PCDH15: variants seen among roughly 807,000 people sequenced by gnomAD.
PCDH15 encodes the protein protocadherin-15.
In PCDH15, 129 loss-of-function variants were observed where a neutral mutation model predicts 178.5. The ratio of observed to expected loss-of-function variants is 0.72; its 90% CI spans 0.63 to 0.84. PCDH15 has a LOEUF of 0.84. Among genes scored for constraint, PCDH15 ranks in the 40% least tolerant of loss-of-function variants. The pLI is 0.00. For synonymous variants in PCDH15, 800 were observed against 732.0 expected, an observed-to-expected ratio of 1.09 and a Z score of -1.50; for missense variants, 2,230 against 2,099.9, an observed-to-expected ratio of 1.06 and a Z score of -1.21.
intron 3 of PCDH15, among the ~76,000 whole-genome samples, chr10:54,484,492 A>T (rs989327206): frequency 6.6e-5 from 10 of 152,100 alleles, no homozygotes; most frequent in African/African-American, 2.4e-4. Flanking sequence ...TAATTGTAAG[A>T]ATCTTCAAAA....
In PCDH15 at chr10:55,309,648, T is replaced by C. The variant is rs150614551; in HGVS notation, c.-156+9951A>G. Reference sequence around the variant, plus strand: ...GAATATAACATAAATCAATGGGTGATCACAATAGGAAAAAAATAGTTTCTG... The same window carrying C: ...GAATATAACATAAATCAATGGGTGACCACAATAGGAAAAAAATAGTTTCTG... On this transcript the variant is annotated intron_variant, in intron 1 of 5. Transcript: ENST00000458638. 1.9e-3 allele frequency among the ~76,000 whole-genome samples: 286 copies of C among 152,168 alleles called. 3 individuals carry two copies. The highest frequency in any genetic ancestry group is 6.1e-3 in the African/African-American group (254 of 41,508).
rs2095193744 is a variant in PCDH15, at chr10:54,120,326, C to T, written c.1917+12549G>A. 2.6e-5 allele frequency among the ~76,000 whole-genome samples: 4 copies of T among 152,210 alleles called. No individual in the cohort carries two copies. In the South Asian group the frequency reaches 8.3e-4, roughly 32 times the overall value. On this transcript the variant is annotated intron_variant, in intron 15 of 37. Coordinates refer to ENST00000644397, the MANE Select transcript of PCDH15 (RefSeq NM_001384140.1). Reference sequence around the variant, plus strand: ...CACAAAAACATACTTAAGTACATAGCCCACAGACCCTATAAAGCAACAACA... The same window carrying T: ...CACAAAAACATACTTAAGTACATAGTCCACAGACCCTATAAAGCAACAACA...
chr10:53,838,730 AC>A, intron 29 of PCDH15, among the ~76,000 whole-genome samples: 1 of 152,196 alleles, frequency 6.6e-6, no homozygotes, highest in Non-Finnish European at 1.5e-5. Flanking sequence ...TTATTCCTAA[AC>A]TTTTTAAATT....
chr10:54,524,353 G>A (rs893978008), intron 3 of PCDH15, among the ~76,000 whole-genome samples: 11 of 152,200 alleles, frequency 7.2e-5, no homozygotes, highest in Non-Finnish European at 1.3e-4. Flanking sequence ...AGTCACAGTG[G>A]TGTGTTCCAA....
At chr10:54,421,711 C>CTA (rs1280104818) in intron 3 of PCDH15, among the ~76,000 whole-genome samples, 12 of 121,736 alleles carry the variant, frequency 9.9e-5, no homozygotes, top group African/African-American at 2.9e-4. Context: ...CACACACACA[C>CTA]TATATATATT....
chr10:55,529,916 A>T lies in PCDH15; in HGVS notation c.-156+97709T>A, dbSNP rs1841412653. Among the ~76,000 whole-genome samples the T allele has an allele frequency of 2.6e-5, 4 of 151,136 alleles. No homozygotes were observed. The South Asian group carries it at 8.3e-4, about 31-fold the overall frequency. The stretch of plus-strand genomic sequence containing the variant: ...TTAATGCTCCTCAAAGTATTTACTT[A>T]CAAATTAGTAGGAATGAGTGAATCA... On this transcript the variant is annotated intron_variant, in intron 2 of 5. Transcript: ENST00000613346.
At chr10:54,137,081 T>C (rs2042971684) in intron 14 of PCDH15, among the ~76,000 whole-genome samples, 1 of 152,196 alleles carries the variant, frequency 6.6e-6, no homozygotes, top group Non-Finnish European at 1.5e-5. Context: ...TAAATACCCA[T>C]AGTATTAACA....
At chr10:54,102,259 A>G (rs1358212722) in intron 15 of PCDH15, among the ~76,000 whole-genome samples, 1 of 152,224 alleles carries the variant, frequency 6.6e-6, no homozygotes. Flanking sequence ...CCATGAAGGC[A>G]GGCCACACAA....
chr10:54,926,617 T>G (rs1465771033), intron 2 of PCDH15, among the ~76,000 whole-genome samples: 1 of 152,048 alleles, frequency 6.6e-6, no homozygotes, highest in East Asian at 1.9e-4. Context: ...TATTTATAAC[T>G]GATTCAATTT....
chr10:54,186,040 C>T (rs149363483), intron 11 of PCDH15, among the ~76,000 whole-genome samples: 3,077 of 152,062 alleles, frequency 0.02, 86 homozygotes, highest in Admixed American at 0.083. Flanking sequence ...CAGAAGACAA[C>T]ATACTCTAAT....
At chr10:54,083,438 C>G (rs539783823) in intron 16 of PCDH15, among the ~76,000 whole-genome samples, 1 of 152,120 alleles carries the variant, frequency 6.6e-6, no homozygotes, top group Non-Finnish European at 1.5e-5. Flanking sequence ...TGGAATATTA[C>G]GTAGCCATGA....
intron 1 of PCDH15, among the ~76,000 whole-genome samples, chr10:55,279,275 G>C (rs2132255491): frequency 6.6e-6 from 1 of 152,298 alleles, no homozygotes; most frequent in African/African-American, 2.4e-5. Flanking sequence ...CTGAGGAGTT[G>C]TCAGAAAAAC....
intron 9 of PCDH15, among the ~76,000 whole-genome samples, chr10:54,226,886 C>A (rs993171194): frequency 2.0e-5 from 3 of 152,218 alleles, no homozygotes; most frequent in Non-Finnish European, 2.9e-5. Flanking sequence ...TCTTAAAGCT[C>A]TGAAATGATC....
At chr10:54,858,968 A>C (rs911291950) in intron 3 of PCDH15, among the ~76,000 whole-genome samples, 1 of 152,092 alleles carries the variant, frequency 6.6e-6, no homozygotes, top group African/African-American at 2.4e-5. Flanking sequence ...CCTAGGTTTA[A>C]AGGAGACATA....
intron 20 of PCDH15, among the ~76,000 whole-genome samples, chr10:53,997,280 T>C (rs1157461632): frequency 2.0e-5 from 3 of 152,152 alleles, no homozygotes; most frequent in Non-Finnish European, 4.4e-5. Context: ...TTCTCTATAA[T>C]GAGGACTGTG....
chr10:55,622,866 C>T (rs1837436010), intron 2 of PCDH15, among the ~76,000 whole-genome samples: 1 of 152,144 alleles, frequency 6.6e-6, no homozygotes, highest in African/African-American at 2.4e-5. Context: ...ATGATTTCTC[C>T]TGCCTCTTGG....
At chr10:54,649,585 T>G (rs745987627) in intron 2 of PCDH15, among the ~76,000 whole-genome samples, 1 of 152,166 alleles carries the variant, frequency 6.6e-6, no homozygotes, top group Non-Finnish European at 1.5e-5. Context: ...AATCTATAAT[T>G]ACACATATAT....
At chr10:53,828,062 CG>C (rs1221113277) in intron 31 of PCDH15, among the ~76,000 whole-genome samples, 1 of 151,656 alleles carries the variant, frequency 6.6e-6, no homozygotes, top group Non-Finnish European at 1.5e-5. Flanking sequence ...ATGCCTAGGC[CG>C]GGCACGGTGG....
At chr10:54,752,608 C>CACTTTT (rs2133009773) in intron 1 of PCDH15, among the ~76,000 whole-genome samples, 1 of 151,954 alleles carries the variant, frequency 6.6e-6, no homozygotes, top group African/African-American at 2.4e-5. Flanking sequence ...TAAATCCCTG[C>CACTTTT]ATGAATATAT....
Sources: allele counts gnomAD v4.1 joint callset (sites outside exome capture counted in the v4.1 genomes callset), GRCh38; gene constraint gnomAD v4.1.1; transcripts MANE v1.5; gene names NCBI Gene and HGNC (gene_info 2026-07-23, HGNC 2026-07-21).